The following HS3ST4 variants were observed in gnomAD, a reference collection of about 807,000 sequenced individuals.
HS3ST4 encodes the protein heparan sulfate-glucosamine 3-sulfotransferase 4.
Under a neutral mutation model 29.2 loss-of-function variants are expected in HS3ST4, and 17 were observed. The ratio of observed to expected loss-of-function variants is 0.58; its 90% CI spans 0.40 to 0.87. The LOEUF is 0.87. HS3ST4 is among the 40% of genes least tolerant of loss of function. The pLI, the probability that HS3ST4 is intolerant of heterozygous loss-of-function variation, is 0.00. For missense variants in HS3ST4, 627 were observed against 634.5 expected, an observed-to-expected ratio of 0.99 and a Z score of 0.13; for synonymous variants, 314 against 285.7, an observed-to-expected ratio of 1.10 and a Z score of -1.00.
intron 1 of HS3ST4, among the ~76,000 whole-genome samples, chr16:26,031,289 AAG>A (rs1969528623): frequency 6.6e-6 from 1 of 152,070 alleles, no homozygotes; most frequent in South Asian, 2.1e-4. Context: ...GAACCAGAGA[AAG>A]AGATGGATAC....
intron 1 of HS3ST4, among the ~76,000 whole-genome samples, chr16:26,035,367 A>G (rs1422105585): frequency 6.6e-6 from 1 of 152,154 alleles, no homozygotes; most frequent in Non-Finnish European, 1.5e-5. Flanking sequence ...ACACATCCTC[A>G]GTGTTCCATA....
chr16:26,033,045 T>C (rs1969547331), intron 1 of HS3ST4, among the ~76,000 whole-genome samples: 1 of 152,096 alleles, frequency 6.6e-6, no homozygotes, highest in Admixed American at 6.5e-5. Context: ...GTGGGACCCA[T>C]TCATTAAGAC....
intron 1 of HS3ST4, among the ~76,000 whole-genome samples, chr16:25,850,951 A>G (rs12925973): frequency 0.29 from 44,452 of 152,122 alleles, 6,939 homozygotes; most frequent in Admixed American, 0.35. Context: ...AAAGTCTTTG[A>G]GACTCAACTT....
intron 1 of HS3ST4, among the ~76,000 whole-genome samples, chr16:26,089,791 G>A (rs1025915983): frequency 2.6e-5 from 4 of 152,242 alleles, no homozygotes; most frequent in South Asian, 4.2e-4. Flanking sequence ...ACATGGGCTC[G>A]TGGCCAGTGA....
chr16:25,727,586 C>A (rs1966545193), intron 1 of HS3ST4, among the ~76,000 whole-genome samples: 1 of 152,140 alleles, frequency 6.6e-6, no homozygotes, highest in Non-Finnish European at 1.5e-5. Context: ...CCAAGTTCTG[C>A]CAGAGTGGAG....
At chr16:25,830,072 C>A (rs187294219) in intron 1 of HS3ST4, among the ~76,000 whole-genome samples, 1 of 152,110 alleles carries the variant, frequency 6.6e-6, no homozygotes, top group Non-Finnish European at 1.5e-5. Flanking sequence ...CAATCCACCC[C>A]CTTCAGCCTC....
At chr16:26,095,289 C>G (rs1489461807) in intron 1 of HS3ST4, among the ~76,000 whole-genome samples, 1 of 152,184 alleles carries the variant, frequency 6.6e-6, no homozygotes, top group Non-Finnish European at 1.5e-5. Flanking sequence ...ACAGAACTCT[C>G]CACCCCAAAT....
At chr16:25,860,668 A>G (rs974467439) in intron 1 of HS3ST4, among the ~76,000 whole-genome samples, 1 of 152,214 alleles carries the variant, frequency 6.6e-6, no homozygotes, top group Non-Finnish European at 1.5e-5. Flanking sequence ...GGATATGGCA[A>G]AACTATAGAG....
chr16:25,821,084 G>A (rs1967150433), intron 1 of HS3ST4, among the ~76,000 whole-genome samples: 2 of 140,116 alleles, frequency 1.4e-5, no homozygotes, highest in African/African-American at 5.4e-5. Flanking sequence ...TTTTGAGACA[G>A]TCTTGCTCAG....
chr16:25,838,864 G>A (rs554353426), intron 1 of HS3ST4, among the ~76,000 whole-genome samples: 22 of 152,170 alleles, frequency 1.4e-4, no homozygotes, highest in Non-Finnish European at 2.9e-4. Context: ...TGGGGGAGGT[G>A]CCACCAGAGA....
intron 1 of HS3ST4, among the ~76,000 whole-genome samples, chr16:26,086,541 G>A (rs1050908448): frequency 1.3e-5 from 2 of 151,842 alleles, no homozygotes; most frequent in African/African-American, 4.8e-5. Flanking sequence ...AGTAGAGGCG[G>A]GGTTTCGCCG....
In HS3ST4 at chr16:25,958,176, G is replaced by A. The variant is rs919378790; in HGVS notation, c.735-177436G>A. 2.6e-5 allele frequency among the ~76,000 whole-genome samples: 4 copies of A among 152,126 alleles called. No individual in the cohort carries two copies. In the South Asian group the frequency reaches 8.3e-4, roughly 32 times the overall value. ...GAGAAATATTGCAGCAATAATAAAT[G>A]TTCAGATAAATAACTGTTGTTATAA... On this transcript the variant is annotated intron_variant, in intron 1 of 1. Coordinates refer to ENST00000331351, the MANE Select transcript of HS3ST4 (RefSeq NM_006040.3).
chr16:25,725,033 C>CTTTTT (rs5816321), intron 1 of HS3ST4, among the ~76,000 whole-genome samples: 1 of 132,680 alleles, frequency 7.5e-6, no homozygotes. Flanking sequence ...CTTCCTCCCT[C>CTTTTT]TTTTTTTTTT....
intron 1 of HS3ST4, among the ~76,000 whole-genome samples, chr16:25,828,301 C>CTTTCTTTCTTT (rs1555467593): frequency 9.1e-5 from 3 of 32,882 alleles, no homozygotes; most frequent in Non-Finnish European, 1.6e-4. Context: ...TCTTTCTTTC[C>CTTTCTTTCTTT]CTCTCTCTCT....
intron 1 of HS3ST4, among the ~76,000 whole-genome samples, chr16:25,927,543 A>G (rs1968416926): frequency 1.3e-5 from 2 of 152,172 alleles, no homozygotes; most frequent in Non-Finnish European, 2.9e-5. Context: ...TGCTCAAGAA[A>G]CTTAAATGCC....
chr16:25,713,963 C>G (rs533090645), intron 1 of HS3ST4, among the ~76,000 whole-genome samples: 1 of 152,244 alleles, frequency 6.6e-6, no homozygotes, highest in East Asian at 1.9e-4. Flanking sequence ...ATCCCCACCC[C>G]CCAGCCCATC....
chr16:26,013,930 C>T (rs1596644705), intron 1 of HS3ST4, among the ~76,000 whole-genome samples: 1 of 151,904 alleles, frequency 6.6e-6, no homozygotes, highest in South Asian at 2.1e-4. Flanking sequence ...ATCTTTTGAA[C>T]CTGGGAGGCA....
intron 1 of HS3ST4, among the ~76,000 whole-genome samples, chr16:25,890,793 T>C (rs1967999884): frequency 6.6e-6 from 1 of 152,232 alleles, no homozygotes; most frequent in Non-Finnish European, 1.5e-5. Context: ...GTGTTAAGGT[T>C]AGATGGAGTA....
intron 1 of HS3ST4, among the ~76,000 whole-genome samples, chr16:25,888,871 C>A (rs1967980422): frequency 1.3e-5 from 2 of 152,168 alleles, no homozygotes; most frequent in African/African-American, 4.8e-5. Flanking sequence ...ATTTCAAGGG[C>A]CTATTATGAA....
Sources: allele counts gnomAD v4.1 joint callset (sites outside exome capture counted in the v4.1 genomes callset), GRCh38; gene constraint gnomAD v4.1.1; transcripts MANE v1.5; gene names NCBI Gene and HGNC (gene_info 2026-07-23, HGNC 2026-07-21).